The following CACNG3 variants were observed in gnomAD, a reference collection of about 807,000 sequenced individuals.
The protein encoded by CACNG3 is calcium voltage-gated channel auxiliary subunit gamma 3, also known as voltage-dependent calcium channel gamma-3 subunit.
Under a neutral mutation model 28.5 loss-of-function variants are expected in CACNG3, and 3 were observed. That is an observed-to-expected ratio of 0.11 (90% confidence interval 0.05 to 0.27). CACNG3 has a LOEUF of 0.27. CACNG3 is among the 10% of genes least tolerant of loss of function. The pLI, the probability that CACNG3 is intolerant of heterozygous loss-of-function variation, is 1.00. For synonymous variants in CACNG3, 174 were observed against 162.2 expected (o/e 1.07, Z -0.55); for missense variants, 236 against 414.4 (o/e 0.57, Z 3.74).
chr16:24,258,064 G>A (rs1349474976), intron 1 of CACNG3, among the ~76,000 whole-genome samples: 1 of 152,094 alleles, frequency 6.6e-6, no homozygotes, highest in African/African-American at 2.4e-5. Context: ...CACAGTGGTG[G>A]GCAAGGAAAT....
intron 1 of CACNG3, among the ~76,000 whole-genome samples, chr16:24,314,410 C>T (rs1899318233): frequency 6.6e-6 from 1 of 152,102 alleles, no homozygotes; most frequent in Non-Finnish European, 1.5e-5. Context: ...GTCCAGCAGC[C>T]ACGGGTGATC....
intron 1 of CACNG3, among the ~76,000 whole-genome samples, chr16:24,259,741 G>T (rs141542911): frequency 3.3e-5 from 5 of 152,118 alleles, no homozygotes; most frequent in Admixed American, 3.3e-4. Flanking sequence ...GAGGAAACCA[G>T]GTTTTACCTC....
At chr16:24,293,870 A>G (rs2141356599) in intron 1 of CACNG3, among the ~76,000 whole-genome samples, 1 of 152,266 alleles carries the variant, frequency 6.6e-6, no homozygotes, top group African/African-American at 2.4e-5. Context: ...AAGACCCTGC[A>G]TCTGGTTTCG....
At chr16:24,278,103 T>C (rs1257533564) in intron 1 of CACNG3, among the ~76,000 whole-genome samples, 3 of 152,136 alleles carry the variant, frequency 2.0e-5, no homozygotes, top group Non-Finnish European at 4.4e-5. Flanking sequence ...CAGTGGGCTA[T>C]TGCAATAACT....
intron 1 of CACNG3, among the ~76,000 whole-genome samples, chr16:24,290,533 C>A (rs1898952599): frequency 6.6e-6 from 1 of 152,204 alleles, no homozygotes; most frequent in African/African-American, 2.4e-5. Context: ...TGTCCCTGGA[C>A]AAATGACTTA....
At chr16:24,338,516 G>T (rs949889609) in intron 1 of CACNG3, among the ~76,000 whole-genome samples, 3 of 151,896 alleles carry the variant, frequency 2.0e-5, no homozygotes, top group Non-Finnish European at 4.4e-5. Context: ...GCTTATTTTT[G>T]TATTTTTTAG....
At position 24,355,208 on chromosome 16, in the gene CACNG3, T is replaced by C. The variant is rs552182562; in HGVS notation, c.436+235T>C. 8.6e-4 allele frequency among the ~76,000 whole-genome samples: 130 copies of C among 151,670 alleles called. 3 individuals are homozygous for C. The highest frequency in any genetic ancestry group is 5.2e-4 in the Non-Finnish European group (35 of 67,898). The stretch of plus-strand genomic sequence containing the variant: ...AACAGCATGGCACGATCAGCTGAGA[T>C]TGAAAGAGAGAGAGGGAAGAAGAAA... On this transcript the variant is annotated intron_variant, in intron 3 of 3. Coordinates refer to ENST00000005284, the MANE Select transcript of CACNG3 (RefSeq NM_006539.4).
intron 1 of CACNG3, among the ~76,000 whole-genome samples, chr16:24,305,149 G>A (rs79114987): frequency 0.088 from 13,455 of 152,098 alleles, 786 homozygotes; most frequent in Middle Eastern, 0.19. Context: ...TCAGCCGTGT[G>A]TGACAAATGT....
chr16:24,277,710 G>A (rs1898770790), intron 1 of CACNG3, among the ~76,000 whole-genome samples: 1 of 151,122 alleles, frequency 6.6e-6, no homozygotes, highest in South Asian at 2.1e-4. Flanking sequence ...AACCCAGGAT[G>A]CGGAGGTTAC....
chr16:24,295,308 G>A (rs911651829), intron 1 of CACNG3, among the ~76,000 whole-genome samples: 7 of 152,042 alleles, frequency 4.6e-5, no homozygotes, highest in Non-Finnish European at 1.0e-4. Flanking sequence ...ATTCTACCAA[G>A]GATGTCCCCT....
At chr16:24,304,284 G>A (rs567169071) in intron 1 of CACNG3, among the ~76,000 whole-genome samples, 1 of 152,232 alleles carries the variant, frequency 6.6e-6, no homozygotes, top group East Asian at 1.9e-4. Flanking sequence ...TACATTTTAA[G>A]GATAGAGTTT....
rs139468403 is a variant in CACNG3, at chr16:24,310,472, G to C, written c.212-36262G>C. ...CCAGCTACTTGGGAGGCTGAGGCAG[G>C]AGAATCTCTTGAGCCCAAGAGATGG... On this transcript the variant is annotated intron_variant, in intron 1 of 3. Coordinates refer to ENST00000005284, the MANE Select transcript of CACNG3 (RefSeq NM_006539.4). Among the ~76,000 whole-genome samples, 547 of 152,282 alleles carry C rather than the reference G, an allele frequency of 3.6e-3. 1 individual carries two copies. Among genetic ancestry groups the C allele is most frequent in the Middle Eastern group, 0.014 (4 of 294 alleles).
chr16:24,354,693 G>A (rs538669997), intron 2 of CACNG3, 140 bp from the exon 3 acceptor site: 62 of 773,624 alleles, frequency 8.0e-5, no homozygotes, highest in Admixed American at 3.4e-4. Flanking sequence ...GGCCCTGAGC[G>A]CCTGGTCTCA....
chr16:24,274,402 T>C (rs1214018173), intron 1 of CACNG3, among the ~76,000 whole-genome samples: 2 of 152,190 alleles, frequency 1.3e-5, no homozygotes, highest in African/African-American at 2.4e-5. Flanking sequence ...GAACAGTGCC[T>C]GGCACATGTA....
In CACNG3 at chr16:24,361,328, G is replaced by GT. The variant is rs766388248; in HGVS notation, c.437-19dup. The GT allele has an allele frequency of 6.5e-7, 1 of 1,541,884 alleles. No homozygotes were observed. The highest frequency in any genetic ancestry group is 1.3e-5 in the South Asian group (1 of 79,580). On this transcript the variant is annotated intron_variant, in intron 3 of 3. Coordinates refer to ENST00000005284, the MANE Select transcript of CACNG3 (RefSeq NM_006539.4). The surrounding 1 kb of genome is among the most constrained non-coding windows in gnomAD (Gnocchi z 6.8). ...TCTCTCCGAGGTGTATAAAGGACGT[G>GT]TTTTTCTTTTCCCCTTCTCTTAGGG...
rs112431360 is a variant in CACNG3, at chr16:24,286,905, G to A, written c.211+29940G>A. 3.2e-4 allele frequency among the ~76,000 whole-genome samples: 48 copies of A among 152,300 alleles called. 1 individual carries two copies. The highest frequency in any genetic ancestry group is 9.4e-4 in the African/African-American group (39 of 41,566). On this transcript the variant is annotated intron_variant, in intron 1 of 3. Transcript: ENST00000005284. ...GACTTTCATTAGAGCCCCAGGCAGA[G>A]CCACACCTTGCCTCCTGCTGTGAAG... is the stretch of plus-strand genomic sequence containing the variant.
At chr16:24,268,511 G>A (rs1206341367) in intron 1 of CACNG3, among the ~76,000 whole-genome samples, 1 of 152,158 alleles carries the variant, frequency 6.6e-6, no homozygotes, top group Non-Finnish European at 1.5e-5. Context: ...GAGATATTGT[G>A]AAAAATAATT....
intron 1 of CACNG3, among the ~76,000 whole-genome samples, chr16:24,293,816 AAG>A (rs1440667149): frequency 1.3e-5 from 2 of 152,138 alleles, no homozygotes; most frequent in Non-Finnish European, 2.9e-5. Context: ...ATGTTCTCGA[AAG>A]AGCCAAGGGA....
intron 1 of CACNG3, among the ~76,000 whole-genome samples, chr16:24,328,988 G>C (rs1339152028): frequency 6.6e-6 from 1 of 152,150 alleles, no homozygotes; most frequent in Non-Finnish European, 1.5e-5. Context: ...ATGGCAACTA[G>C]CAAAGATCCT....
Sources: allele counts gnomAD v4.1 joint callset (sites outside exome capture counted in the v4.1 genomes callset), GRCh38; gene constraint gnomAD v4.1.1; non-coding constraint Gnocchi (gnomAD v3.1); transcripts MANE v1.5; gene names NCBI Gene and HGNC (gene_info 2026-07-23, HGNC 2026-07-21).